The following CTNNA2 variants were observed in gnomAD, a reference collection of about 807,000 sequenced individuals.
CTNNA2 encodes the protein catenin alpha-2.
In CTNNA2, 42 loss-of-function variants were observed where a neutral mutation model predicts 101.0. The ratio of observed to expected loss-of-function variants is 0.42; its 90% CI spans 0.32 to 0.54. The LOEUF is 0.54. CTNNA2 is among the 20% of genes least tolerant of loss of function. The pLI, the probability that CTNNA2 is intolerant of heterozygous loss-of-function variation, is 0.14. For missense variants in CTNNA2, 871 were observed against 1,223.1 expected (o/e 0.71, Z 4.29); for synonymous variants, 450 against 456.4 (o/e 0.99, Z 0.18).
intron 14 of CTNNA2, among the ~76,000 whole-genome samples, chr2:80,585,602 G>A (rs1182887956): frequency 6.6e-6 from 1 of 152,082 alleles, no homozygotes; most frequent in Non-Finnish European, 1.5e-5. Flanking sequence ...TGCATGTTAT[G>A]TATTTTATAT....
At chr2:79,711,030 T>C (rs561150299) in intron 2 of CTNNA2, among the ~76,000 whole-genome samples, 11 of 152,286 alleles carry the variant, frequency 7.2e-5, no homozygotes, top group African/African-American at 1.9e-4. Flanking sequence ...TGCGCTCATT[T>C]TCTCCTTTTT....
intron 9 of CTNNA2, among the ~76,000 whole-genome samples, chr2:80,451,214 A>G (rs1199278258): frequency 1.3e-5 from 2 of 151,936 alleles, no homozygotes; most frequent in Admixed American, 1.3e-4. Context: ...CATAATCCCC[A>G]TGTCTCCTGG....
chr2:79,599,392 G>T (rs1422997430), intron 1 of CTNNA2, among the ~76,000 whole-genome samples: 1 of 151,954 alleles, frequency 6.6e-6, no homozygotes. Context: ...CTTCTCTATG[G>T]ATATTATACC....
intron 7 of CTNNA2, among the ~76,000 whole-genome samples, chr2:80,065,954 G>A (rs1451662657): frequency 1.3e-5 from 2 of 152,084 alleles, no homozygotes; most frequent in African/African-American, 4.8e-5. Context: ...TATTTCATGA[G>A]AATAGGAGAG....
intron 7 of CTNNA2, among the ~76,000 whole-genome samples, chr2:80,245,955 C>T (rs370894631): frequency 5.3e-5 from 8 of 151,674 alleles, no homozygotes; most frequent in South Asian, 2.1e-4. Flanking sequence ...CCACCACACC[C>T]GGCTAATTTT....
intron 7 of CTNNA2, among the ~76,000 whole-genome samples, chr2:79,943,087 C>T (rs1012340626): frequency 6.6e-6 from 1 of 151,932 alleles, no homozygotes; most frequent in African/African-American, 2.4e-5. Context: ...CATTGTGGCA[C>T]GTGCCTGTAA....
chr2:80,415,574 G>A (rs1679963257), intron 8 of CTNNA2, among the ~76,000 whole-genome samples: 1 of 152,156 alleles, frequency 6.6e-6, no homozygotes, highest in Non-Finnish European at 1.5e-5. Flanking sequence ...ACGTTGGCAA[G>A]GATATGGAGA....
intron 3 of CTNNA2, among the ~76,000 whole-genome samples, chr2:79,750,374 T>G (rs1316998394): frequency 6.6e-6 from 1 of 152,212 alleles, no homozygotes; most frequent in East Asian, 1.9e-4. Flanking sequence ...GGACCCAGGC[T>G]TCAAGATGTT....
At chr2:79,769,010 A>G (rs1673378957) in intron 3 of CTNNA2, among the ~76,000 whole-genome samples, 1 of 152,036 alleles carries the variant, frequency 6.6e-6, no homozygotes, top group Admixed American at 6.5e-5. Flanking sequence ...GCCCGCCACC[A>G]CGCCTGGCTA....
intron 1 of CTNNA2, among the ~76,000 whole-genome samples, chr2:79,572,533 C>G (rs1675521208): frequency 6.6e-6 from 1 of 152,124 alleles, no homozygotes; most frequent in African/African-American, 2.4e-5. Context: ...GGGCAGATCA[C>G]TTGAGGTCAG....
At chr2:80,365,554 A>G (rs1674839186) in intron 7 of CTNNA2, among the ~76,000 whole-genome samples, 1 of 144,774 alleles carries the variant, frequency 6.9e-6, no homozygotes, top group Non-Finnish European at 1.5e-5. Context: ...CTACAACATG[A>G]TAGTTTGTGT....
At chr2:79,661,314 G>GAT (rs1682021215) in intron 2 of CTNNA2, among the ~76,000 whole-genome samples, 1 of 152,082 alleles carries the variant, frequency 6.6e-6, no homozygotes, top group African/African-American at 2.4e-5. Flanking sequence ...TATTAACATT[G>GAT]ATAAAACTAC....
chr2:79,309,245 C>T (rs1676313283), intron 2 of CTNNA2, among the ~76,000 whole-genome samples: 2 of 152,224 alleles, frequency 1.3e-5, no homozygotes, highest in Admixed American at 1.3e-4. Context: ...CACCTACCCA[C>T]TCCCTCAAGT....
intron 3 of CTNNA2, among the ~76,000 whole-genome samples, chr2:79,334,393 T>C (rs931105182): frequency 1.3e-5 from 2 of 152,114 alleles, no homozygotes; most frequent in African/African-American, 4.8e-5. Context: ...GCCTGTTTAT[T>C]GGATGATGTA....
At chr2:79,745,771 G>A (rs1215977029) in intron 3 of CTNNA2, among the ~76,000 whole-genome samples, 1 of 152,070 alleles carries the variant, frequency 6.6e-6, no homozygotes, top group Non-Finnish European at 1.5e-5. Flanking sequence ...TCCATCGTAT[G>A]TATATACCAC....
At chr2:79,986,978 G>A (rs1469323917) in intron 7 of CTNNA2, among the ~76,000 whole-genome samples, 1 of 152,194 alleles carries the variant, frequency 6.6e-6, no homozygotes, top group Non-Finnish European at 1.5e-5. Flanking sequence ...GGATCTTGCT[G>A]CCTCAAGGTG....
chr2:79,303,123 C>T (rs1676152198), intron 2 of CTNNA2, among the ~76,000 whole-genome samples: 1 of 152,122 alleles, frequency 6.6e-6, no homozygotes, highest in Non-Finnish European at 1.5e-5. Flanking sequence ...AGTCCAAGAA[C>T]ACAGTTTGAA....
intron 3 of CTNNA2, among the ~76,000 whole-genome samples, chr2:79,322,382 T>G (rs1022851968): frequency 1.3e-5 from 2 of 152,358 alleles, no homozygotes; most frequent in African/African-American, 2.4e-5. Flanking sequence ...TGTTCCATTT[T>G]TATACATCCG....
At chr2:79,805,018 A>T (rs1377753797) in intron 3 of CTNNA2, among the ~76,000 whole-genome samples, 1 of 152,146 alleles carries the variant, frequency 6.6e-6, no homozygotes, top group Non-Finnish European at 1.5e-5. Flanking sequence ...GCTGGGTTGT[A>T]TATAGGAAGG....
Sources: allele counts gnomAD v4.1 joint callset (sites outside exome capture counted in the v4.1 genomes callset), GRCh38; gene constraint gnomAD v4.1.1; transcripts MANE v1.5; gene names NCBI Gene and HGNC (gene_info 2026-07-23, HGNC 2026-07-21).